PCDH11X: variants seen among roughly 807,000 people sequenced by gnomAD.
PCDH11X encodes the protein protocadherin-11 X-linked.
PCDH11X carries 18 observed loss-of-function variants against 53.3 expected under a neutral mutation model. The ratio of observed to expected loss-of-function variants is 0.34; its 90% CI spans 0.23 to 0.50. PCDH11X has a LOEUF of 0.50. Ranked by LOEUF, PCDH11X falls within the 20% of genes least tolerant of loss-of-function variation. The pLI is 0.98. For missense variants in PCDH11X, 570 were observed against 1,032.4 expected (o/e 0.55, Z 6.14); for synonymous variants, 279 against 393.3 (o/e 0.71, Z 3.44).
At chrX:92,083,980 C>T (rs888979899) in intron 6 of PCDH11X, among the ~76,000 whole-genome samples, 1 of 107,545 alleles carries the variant, frequency 9.3e-6, no homozygotes, top group African/African-American at 3.4e-5. Flanking sequence ...CCCAGCTACT[C>T]AAGAGGCTGA....
At chrX:91,901,147 C>T (rs1189542802) in intron 6 of PCDH11X, among the ~76,000 whole-genome samples, 2 of 110,403 alleles carry the variant, frequency 1.8e-5, no homozygotes, top group Non-Finnish European at 3.8e-5. Flanking sequence ...TGTCAAACTC[C>T]CAGGTTTGTT....
At chrX:91,995,316 G>C (rs1291981806) in intron 6 of PCDH11X, among the ~76,000 whole-genome samples, 1 of 110,253 alleles carries the variant, frequency 9.1e-6, no homozygotes, top group African/African-American at 3.3e-5. Context: ...ACAGTTTTAT[G>C]AGTTATATTT....
chrX:92,148,181 T>C (rs189901364), intron 6 of PCDH11X, among the ~76,000 whole-genome samples: 916 of 37,460 alleles, frequency 0.024, 104 homozygotes, highest in African/African-American at 0.087. Context: ...TCCTTCTTTC[T>C]TTCTTTCTTT....
chrX:92,532,097 A>G (rs1239116280), intron 10 of PCDH11X, among the ~76,000 whole-genome samples: 7 of 111,238 alleles, frequency 6.3e-5, no homozygotes. Context: ...GCCTTTTTCT[A>G]CTTCAAGTTG....
chrX:92,301,646 T>TTTGTGTTTTG (rs774570406), intron 8 of PCDH11X, among the ~76,000 whole-genome samples: 9 of 105,376 alleles, frequency 8.5e-5, no homozygotes, highest in Admixed American at 3.0e-4. Context: ...ACTTTTTTGT[T>TTTGTGTTTTG]TTTTGTTTTG....
chrX:91,825,599 C>T (rs1403405492), intron 4 of PCDH11X, among the ~76,000 whole-genome samples: 1 of 110,841 alleles, frequency 9.0e-6, no homozygotes, highest in South Asian at 3.8e-4. Flanking sequence ...GAGATGAACC[C>T]AGTACCTCAG....
intron 6 of PCDH11X, among the ~76,000 whole-genome samples, chrX:92,157,895 T>G (rs1439678082): frequency 8.9e-6 from 1 of 112,139 alleles, no homozygotes; most frequent in African/African-American, 3.2e-5. Flanking sequence ...AATCAGTTTA[T>G]GAAAGTCTTT....
At chrX:91,866,564 T>G (rs1362838648) in intron 5 of PCDH11X, among the ~76,000 whole-genome samples, 4 of 111,226 alleles carry the variant, frequency 3.6e-5, no homozygotes, top group Non-Finnish European at 7.5e-5. Flanking sequence ...CCTCCCCCAG[T>G]GCCCAGAGAA....
At chrX:92,246,012 G>T (rs1048270675) in intron 7 of PCDH11X, among the ~76,000 whole-genome samples, 1 of 110,900 alleles carries the variant, frequency 9.0e-6, no homozygotes, top group Non-Finnish European at 1.9e-5. Flanking sequence ...ATTTTGGGGG[G>T]GAATTAACTT....
intron 5 of PCDH11X, among the ~76,000 whole-genome samples, chrX:91,864,296 C>T (rs1233533938): frequency 3.8e-5 from 4 of 105,348 alleles, no homozygotes; most frequent in Non-Finnish European, 7.8e-5. Context: ...TCCTTCAGCA[C>T]TCTAAATATG....
At chrX:92,467,986 A>G (rs1356994768) in intron 9 of PCDH11X, among the ~76,000 whole-genome samples, 2 of 111,781 alleles carry the variant, frequency 1.8e-5, no homozygotes, top group African/African-American at 6.5e-5. Flanking sequence ...CGACGAAGCT[A>G]GAAAATCTAC....
intron 8 of PCDH11X, among the ~76,000 whole-genome samples, chrX:92,301,615 C>T (rs2068722978): frequency 9.1e-6 from 1 of 109,936 alleles, no homozygotes; most frequent in African/African-American, 3.4e-5. Flanking sequence ...CAATGCATCC[C>T]TTTCCTAGGA....
chrX:92,074,342 A>G (rs1483975087), intron 6 of PCDH11X, among the ~76,000 whole-genome samples: 1 of 110,728 alleles, frequency 9.0e-6, no homozygotes, highest in Non-Finnish European at 1.9e-5. Flanking sequence ...AGATTAAAAG[A>G]TACGATTCAG....
intron 10 of PCDH11X, among the ~76,000 whole-genome samples, chrX:92,592,964 T>C (rs1191548848): frequency 1.8e-5 from 2 of 111,244 alleles, no homozygotes; most frequent in East Asian, 2.8e-4. Context: ...ATGTATGTAG[T>C]GTTTATTTAA....
chrX:92,360,888 G>T (rs2070330358), intron 8 of PCDH11X, among the ~76,000 whole-genome samples: 1 of 108,143 alleles, frequency 9.2e-6, no homozygotes, highest in African/African-American at 3.3e-5. Flanking sequence ...TCTTAAAATG[G>T]CCTGTGTTGG....
At chrX:92,368,017 T>C (rs1325814731) in intron 8 of PCDH11X, among the ~76,000 whole-genome samples, 19 of 102,566 alleles carry the variant, frequency 1.9e-4, no homozygotes, top group African/African-American at 6.5e-4. Context: ...TTCTCTGTAG[T>C]TCCTGAATTT....
intron 10 of PCDH11X, among the ~76,000 whole-genome samples, chrX:92,610,773 A>G (rs756953456): frequency 2.8e-3 from 306 of 110,810 alleles, no homozygotes; most frequent in Non-Finnish European, 4.1e-3. Context: ...ATTTTTGTAT[A>G]TGGTGATAGG....
intron 5 of PCDH11X, among the ~76,000 whole-genome samples, chrX:91,851,953 A>T (rs983257214): frequency 9.0e-6 from 1 of 110,699 alleles, no homozygotes; most frequent in Non-Finnish European, 1.9e-5. Flanking sequence ...GGAAAAAAAA[A>T]ATTTCTCCTA....
chrX:92,547,080 A>G (rs1434034436), intron 10 of PCDH11X, among the ~76,000 whole-genome samples: 1 of 108,028 alleles, frequency 9.3e-6, no homozygotes, highest in Middle Eastern at 4.2e-3. Context: ...CCTTTAGGGA[A>G]GCCCAGCAAA....
Sources: allele counts gnomAD v4.1 joint callset (sites outside exome capture counted in the v4.1 genomes callset), GRCh38; gene constraint gnomAD v4.1.1; transcripts MANE v1.5; gene names NCBI Gene and HGNC (gene_info 2026-07-23, HGNC 2026-07-21).